WIPI1: variants seen among roughly 807,000 people sequenced by gnomAD.
WIPI1 encodes the protein WD repeat domain, phosphoinositide interacting 1, also known as WD repeat domain phosphoinositide-interacting protein 1.
WIPI1 carries 45 observed loss-of-function variants against 55.3 expected under a neutral mutation model. The observed-to-expected ratio is 0.81, with a 90% CI of 0.64 to 1.04. WIPI1 has a LOEUF of 1.04. Ranked by LOEUF, WIPI1 falls within the 50% of genes least tolerant of loss-of-function variation. The pLI, the probability that WIPI1 is intolerant of heterozygous loss-of-function variation, is 0.00. For missense variants in WIPI1, 445 were observed against 559.0 expected (o/e 0.80, Z 2.06); for synonymous variants, 195 against 217.6 (o/e 0.90, Z 0.92).
At chr17:68,435,502 G>T (rs2083739517) in intron 6 of WIPI1, 118 bp downstream of exon 6, 10 of 971,924 alleles carry the variant, frequency 1.0e-5, no homozygotes, top group African/African-American at 1.6e-5. Flanking sequence ...AACAAATTCT[G>T]AGTGGGCCCA....
intron 4 of WIPI1, chr17:68,440,608 G>A (rs1600341415): frequency 1.3e-5 from 2 of 152,116 alleles, no homozygotes; most frequent in Non-Finnish European, 2.9e-5. Flanking sequence ...GTTCTGATGG[G>A]GCTTTTGGAT....
intron 7 of WIPI1, among the ~76,000 whole-genome samples, chr17:68,433,791 T>TTTTTTTG (rs1440491333): frequency 3.2e-5 from 2 of 63,490 alleles, no homozygotes; most frequent in African/African-American, 1.1e-4. Context: ...TTTTTTTTTT[T>TTTTTTTG]TTTTTTTGAG....
intron 3 of WIPI1, among the ~76,000 whole-genome samples, chr17:68,447,119 T>C (rs964085981): frequency 6.6e-6 from 1 of 152,228 alleles, no homozygotes; most frequent in African/African-American, 2.4e-5. Context: ...ACTCCTTTTA[T>C]CAATTACAAA....
chr17:68,439,905 G>C (rs1435527380), intron 4 of WIPI1, among the ~76,000 whole-genome samples: 2 of 152,174 alleles, frequency 1.3e-5, no homozygotes, highest in Non-Finnish European at 2.9e-5. Flanking sequence ...CTTTGTGGCA[G>C]AGAGAGCTAA....
At chr17:68,443,079 G>T (rs1226448438) in intron 4 of WIPI1, among the ~76,000 whole-genome samples, 6 of 152,044 alleles carry the variant, frequency 3.9e-5, no homozygotes, top group Non-Finnish European at 7.4e-5. Context: ...AGCCTCAATG[G>T]CTTTGTTCTT....
chr17:68,435,214 A>AT (rs2083727155), intron 6 of WIPI1, among the ~76,000 whole-genome samples: 1 of 151,866 alleles, frequency 6.6e-6, no homozygotes, highest in Admixed American at 6.6e-5. Context: ...CTCAAAAAAA[A>AT]AAAAAAAATT....
chr17:68,455,022 G>A (rs2084611272), intron 1 of WIPI1, among the ~76,000 whole-genome samples: 1 of 152,142 alleles, frequency 6.6e-6, no homozygotes, highest in Non-Finnish European at 1.5e-5. Flanking sequence ...ACCACTCATG[G>A]AAACAGAGCT....
intron 11 of WIPI1, 67 bp downstream of exon 11, chr17:68,427,067 GC>G (rs1953454874): frequency 7.7e-7 from 1 of 1,298,556 alleles, no homozygotes; most frequent in African/African-American, 1.5e-5. Context: ...AGGGGAGGGA[GC>G]GTGCAGGGAG....
In WIPI1 at chr17:68,452,965, C is replaced by T. The variant is rs762458534; in HGVS notation, c.108G>A (p.Gly36=). Residue 36 remains glycine (G), a synonymous_variant, in exon 2 of 13, where the codon GGG becomes GGA. Transcript: ENST00000262139. ...CTSLATGTKA[G]YKLFSLSSVE... is the part of the protein sequence containing the mutation. Reference sequence around the variant, plus strand: ...CAGAACTCAGAGAAAACAGCTTATACCCGGCTTTAGTTCCAGTTGCTAGGG... The same window carrying T: ...CAGAACTCAGAGAAAACAGCTTATATCCGGCTTTAGTTCCAGTTGCTAGGG... 4 of 1,613,956 alleles carry T rather than the reference C, an allele frequency of 2.5e-6. No individual in the cohort carries two copies. The African/African-American group carries it at 5.3e-5, about 22-fold the overall frequency.
At chr17:68,426,425 GTCTCAGTATGT>G (rs1423369677) in intron 11 of WIPI1, among the ~76,000 whole-genome samples, 22 of 152,178 alleles carry the variant, frequency 1.4e-4, no homozygotes, top group Admixed American at 4.6e-4. Context: ...TTGAGGTAGG[GTCTCAGTATGT>G]TGCCCAGGCT....
rs1200698767 is a variant in WIPI1 at position 68,444,581 on chromosome 17, C to G, written c.342G>C (p.Leu114=). ...LSIRLNRQRL[L]VCLEESIYIH... is the part of the protein sequence containing the mutation. ...TATAAATGGACTCTTCTAGGCAAAC[C>G]AGCAGCCTCTGTAATCACACAGACT... The change falls in exon 4 of 13, where the codon CTG becomes CTC. Residue 114 remains leucine (L), a synonymous_variant. Coordinates refer to ENST00000262139, the MANE Select transcript of WIPI1 (RefSeq NM_017983.7). The G allele has an allele frequency of 1.2e-6, 2 of 1,613,256 alleles. No homozygotes were observed. Among genetic ancestry groups the G allele is most frequent in the Admixed American group, 3.3e-5 (2 of 59,806 alleles).
chr17:68,433,783 T>TTG (rs1205863117), intron 7 of WIPI1, among the ~76,000 whole-genome samples: 3 of 85,946 alleles, frequency 3.5e-5, no homozygotes, highest in African/African-American at 1.2e-4. Context: ...TTTTTTTTTT[T>TTG]TTTTTTTTTT....
chr17:68,447,063 C>T (rs2084313475), intron 3 of WIPI1, among the ~76,000 whole-genome samples: 1 of 152,210 alleles, frequency 6.6e-6, no homozygotes, highest in African/African-American at 2.4e-5. Flanking sequence ...AGCTCCTTGT[C>T]TGTTGCTTTG....
intron 1 of WIPI1, among the ~76,000 whole-genome samples, chr17:68,455,920 C>T (rs1300227937): frequency 6.6e-6 from 1 of 152,218 alleles, no homozygotes; most frequent in Non-Finnish European, 1.5e-5. Flanking sequence ...GGCATTTCAA[C>T]AGCCATGCCC....
intron 3 of WIPI1, among the ~76,000 whole-genome samples, chr17:68,447,484 C>T (rs892684507): frequency 2.0e-5 from 3 of 152,116 alleles, no homozygotes; most frequent in Non-Finnish European, 4.4e-5. Context: ...TGGGCTTAAA[C>T]GATCCTCCTG....
In WIPI1 at chr17:68,424,337, A is replaced by G. The variant is rs74000709; in HGVS notation, c.1293+1738T>C. On this transcript the variant is annotated intron_variant, in intron 12 of 12. Transcript: ENST00000262139. Reference sequence around the variant, plus strand: ...TGGGAAATCACAAAACAACAGCCCCAGCCCTGCATGCAGGGCCCCACCGCA... The same window carrying G: ...TGGGAAATCACAAAACAACAGCCCCGGCCCTGCATGCAGGGCCCCACCGCA... 1,483 of 477,304 alleles carry G rather than the reference A, an allele frequency of 3.1e-3. 28 individuals are homozygous for G. The highest frequency in any genetic ancestry group is 0.027 in the African/African-American group (1,374 of 50,290). 29.6% of individuals were successfully genotyped at this position (477,304 alleles called of 1,614,324 possible). A position where few individuals can be genotyped will look rare whatever the true frequency, so the allele number is the denominator to read the frequency against.
At chr17:68,425,982 A>G in intron 12 of WIPI1, 93 bp downstream of exon 12, 1 of 965,666 alleles carries the variant, frequency 1.0e-6, no homozygotes, top group South Asian at 1.4e-5. Context: ...TAGATTAGAA[A>G]ACAGGGAAAG....
rs375345755 is a variant in WIPI1, at chr17:68,443,408, C to T, written c.430+1085G>A. ...GATTATAGGTGTGAGCCACCGCACC[C>T]GGCTAGCTTTGTTCTTTTAAAATAT... On this transcript the variant is annotated intron_variant, in intron 4 of 12. Coordinates refer to ENST00000262139, the MANE Select transcript of WIPI1 (RefSeq NM_017983.7). Among the ~76,000 whole-genome samples the T allele has an allele frequency of 4.6e-5, 7 of 152,254 alleles. No individual in the cohort carries two copies. In the East Asian group the frequency reaches 7.7e-4, roughly 17 times the overall value.
chr17:68,426,238 C>CGGGGGGGGGG lies in WIPI1; in HGVS notation c.1193-64_1193-63insCCCCCCCCCC. 8.1e-6 allele frequency: 5 copies of CGGGGGGGGGG among 615,194 alleles called. 1 individual carries two copies. The highest frequency in any genetic ancestry group is 5.2e-5 in the East Asian group (1 of 19,274). 38.1% of individuals were successfully genotyped at this position (615,194 alleles called of 1,614,324 possible). ...GATCTGCTTTTATGCCATGACCTGG[C>CGGGGGGGGGG]GGGTGGGGAGCGGGGGCTCAAATAA... On this transcript the variant is annotated intron_variant, in intron 11 of 12. Transcript: ENST00000262139.
Sources: gnomAD v4.1 joint callset for allele counts (sites outside exome capture counted in the v4.1 genomes callset) on GRCh38, gnomAD v4.1.1 for gene constraint, MANE v1.5 for transcripts, NCBI Gene and HGNC (gene_info 2026-07-23, HGNC 2026-07-21) for gene names.